The following GOSR1 variants were observed in gnomAD, a reference collection of about 807,000 sequenced individuals.
GOSR1 encodes the protein golgi SNAP receptor complex member 1.
A neutral mutation model predicts 35.5 loss-of-function variants in GOSR1; 21 were observed. That is an observed-to-expected ratio of 0.59 (90% CI 0.42 to 0.85). The LOEUF (loss-of-function observed/expected upper bound fraction) is 0.85, where lower values mean the gene tolerates loss of function less well. GOSR1 is among the 40% of genes least tolerant of loss of function. The pLI is 0.00. For missense variants in GOSR1, 285 were observed against 309.6 expected (o/e 0.92, Z 0.60); for synonymous variants, 94 against 106.6 (o/e 0.88, Z 0.73).
At chr17:30,499,342 C>CTT (rs3039523) in intron 6 of GOSR1, among the ~76,000 whole-genome samples, 57,289 of 133,562 alleles carry the variant, frequency 0.43, 13,180 homozygotes, top group East Asian at 0.8. Flanking sequence ...TCTCATTCCT[C>CTT]TTTTTTTTTT....
intron 4 of GOSR1, among the ~76,000 whole-genome samples, chr17:30,487,197 T>G (rs943237411): frequency 6.6e-6 from 1 of 152,184 alleles, no homozygotes; most frequent in African/African-American, 2.4e-5. Context: ...AGATGTTGTT[T>G]AAAATCAGTG....
At chr17:30,502,549 T>A (rs1023128879) in intron 6 of GOSR1, among the ~76,000 whole-genome samples, 2 of 152,248 alleles carry the variant, frequency 1.3e-5, no homozygotes, top group African/African-American at 4.8e-5. Flanking sequence ...TGACTCAGCT[T>A]TTATTTTTTT....
Position 30,481,156 on chromosome 17 carries a change from G to C in GOSR1, c.45G>C (p.Gln15His). 1 of 1,597,966 alleles carries C rather than the reference G, an allele frequency of 6.3e-7. No homozygotes were observed. Among genetic ancestry groups the C allele is most frequent in the Non-Finnish European group, 8.6e-7 (1 of 1,165,324 alleles). ...TSSYWEDLRK[Q>H]ARQLENELDL... ...ATTTTGTTAAAGATCTCAGGAAACA[G>C]GCTCGACAGCTGGAAAATGAACTTG... Residue 15 changes from glutamine to histidine, a missense_variant, in exon 2 of 9, where the codon CAG becomes CAC. By Grantham distance (24) the Gln-to-His change is conservative. Transcript: ENST00000451249.
At chr17:30,504,052 G>C (rs1173264658) in intron 6 of GOSR1, among the ~76,000 whole-genome samples, 1 of 149,778 alleles carries the variant, frequency 6.7e-6, no homozygotes, top group Non-Finnish European at 1.5e-5. Flanking sequence ...TTTGAGTCAG[G>C]GTCGTGCTCT....
At chr17:30,478,136 A>G (rs973574681) in intron 1 of GOSR1, 1 of 159,322 alleles carries the variant, frequency 6.3e-6, no homozygotes, top group Non-Finnish European at 1.3e-5. Flanking sequence ...TCCCACCAAA[A>G]AAACCTTCCT....
At chr17:30,481,115 A>C (rs1914317206) in intron 1 of GOSR1, 28 bp from the exon 2 acceptor site, 2 of 1,487,108 alleles carry the variant, frequency 1.3e-6, no homozygotes, top group Middle Eastern at 3.5e-4. Flanking sequence ...TTTATGTCTA[A>C]TTATTTGTTG....
At chr17:30,510,714 A>T (rs372803647) in intron 6 of GOSR1, 166 bp from the exon 7 acceptor site, 20 of 495,156 alleles carry the variant, frequency 4.0e-5, no homozygotes, top group African/African-American at 3.0e-4. Context: ...ACTCTGTCTT[A>T]AAAAAGAAAA....
chr17:30,511,179 C>T (rs1430880035), intron 7 of GOSR1, among the ~76,000 whole-genome samples: 1 of 152,134 alleles, frequency 6.6e-6, no homozygotes, highest in Non-Finnish European at 1.5e-5. Context: ...TATTTTCAAT[C>T]TCAGTCTTTT....
At chr17:30,507,836 T>C (rs912811491) in intron 6 of GOSR1, among the ~76,000 whole-genome samples, 3 of 152,176 alleles carry the variant, frequency 2.0e-5, no homozygotes, top group African/African-American at 4.8e-5. Context: ...TTTTAACAGA[T>C]AAGCAAAAGA....
At position 30,525,249 on chromosome 17, in the gene GOSR1, G is replaced by C. The variant is rs1968164393; in HGVS notation, c.*2871G>C. Reference sequence around the variant, plus strand: ...TTGCTCATGGGTGGACTAACACCTGGTTTGGTACAGAGACTGAGAAGTTTT... The same window carrying C: ...TTGCTCATGGGTGGACTAACACCTGCTTTGGTACAGAGACTGAGAAGTTTT... On this transcript the variant is annotated 3_prime_UTR_variant, in exon 9 of 9. Transcript: ENST00000451249. 1 of 152,226 alleles carries C rather than the reference G, an allele frequency of 6.6e-6. No individual in the cohort carries two copies. The highest frequency in any genetic ancestry group is 1.5e-5 in the Non-Finnish European group (1 of 68,044). 9.4% of individuals were successfully genotyped at this position (152,226 alleles called of 1,614,324 possible).
intron 2 of GOSR1, 151 bp from the exon 3 acceptor site, chr17:30,484,063 G>A (rs943912317): frequency 1.9e-6 from 1 of 516,316 alleles, no homozygotes; most frequent in Non-Finnish European, 3.5e-6. Flanking sequence ...AATTCCTTTG[G>A]GGTAAAAATG....
chr17:30,478,119 A>G (rs969772181), intron 1 of GOSR1: 1 of 171,700 alleles, frequency 5.8e-6, no homozygotes, highest in African/African-American at 2.4e-5. Context: ...TACATTTGCT[A>G]TACTTCTCCC....
intron 4 of GOSR1, 162 bp downstream of exon 4, chr17:30,484,932 G>T (rs889392370): frequency 3.0e-6 from 2 of 657,508 alleles, no homozygotes; most frequent in African/African-American, 3.7e-5. Context: ...TTTTTTTGGG[G>T]TCACCATTAT....
intron 6 of GOSR1, among the ~76,000 whole-genome samples, chr17:30,504,499 A>G (rs769160619): frequency 2.5e-4 from 38 of 152,188 alleles, no homozygotes; most frequent in Non-Finnish European, 3.5e-4. Flanking sequence ...TGAAAATCCA[A>G]TTTTGTGCAA....
intron 6 of GOSR1, among the ~76,000 whole-genome samples, chr17:30,501,741 G>A (rs560095740): frequency 2.7e-3 from 411 of 152,238 alleles, no homozygotes; most frequent in Non-Finnish European, 4.3e-3. Flanking sequence ...TGATCCACCC[G>A]CCTTGGCCTC....
intron 4 of GOSR1, 115 bp downstream of exon 4, chr17:30,484,885 A>G: frequency 2.8e-6 from 2 of 719,616 alleles, no homozygotes; most frequent in Non-Finnish European, 5.1e-6. Context: ...GAAAAATCTG[A>G]GAAAATAAAT....
chr17:30,519,458 A>G (rs902935409), intron 7 of GOSR1, among the ~76,000 whole-genome samples: 11 of 152,202 alleles, frequency 7.2e-5, no homozygotes, highest in Non-Finnish European at 1.5e-4. Context: ...AGAATTTTGG[A>G]ACATAATCTC....
In GOSR1 at chr17:30,519,972, A is replaced by G. The variant is rs528273394; in HGVS notation, c.573A>G (p.Ser191=). The change falls in exon 8 of 9, where the codon TCA becomes TCG. Residue 191 remains serine (S), a synonymous_variant. Coordinates refer to ENST00000451249, the MANE Select transcript of GOSR1 (RefSeq NM_001007025.2). The part of the protein sequence containing the change: ...IAMATKENMT[S]QRGMLKSIHS... ...TGGCAACAAAAGAAAATATGACTTCACAGAGAGGAATGTTGAAGTCAATTC... is the reference window on the plus strand; with the variant it reads ...TGGCAACAAAAGAAAATATGACTTCGCAGAGAGGAATGTTGAAGTCAATTC... The G allele has an allele frequency of 3.1e-6, 5 of 1,610,492 alleles. No homozygotes were observed. The highest frequency in any genetic ancestry group is 1.3e-5 in the African/African-American group (1 of 74,954).
chr17:30,503,334 A>G (rs1326468889), intron 6 of GOSR1, among the ~76,000 whole-genome samples: 1 of 152,214 alleles, frequency 6.6e-6, no homozygotes, highest in East Asian at 1.9e-4. Flanking sequence ...CCTCAGCACG[A>G]TAACTGGTGA....
Sources: allele counts gnomAD v4.1 joint callset (sites outside exome capture counted in the v4.1 genomes callset), GRCh38; gene constraint gnomAD v4.1.1; transcripts MANE v1.5; gene names NCBI Gene and HGNC (gene_info 2026-07-23, HGNC 2026-07-21).